Variants in HPS3 observed in about 807,000 individuals in gnomAD.
HPS3 encodes the protein BLOC-2 complex member HPS3.
Under a neutral mutation model 110.9 loss-of-function variants are expected in HPS3, and 79 were observed. That is an observed-to-expected ratio of 0.71 (90% confidence interval 0.59 to 0.86). The LOEUF (loss-of-function observed/expected upper bound fraction) is 0.86. HPS3 is among the 40% of genes least tolerant of loss of function. HPS3 has a pLI of 0.00. For synonymous variants in HPS3, 428 were observed against 451.0 expected (o/e 0.95, Z 0.65); for missense variants, 1,197 against 1,206.2 (o/e 0.99, Z 0.11).
In HPS3 at chr3:149,129,709, C is replaced by T. The variant is rs1721622521; in HGVS notation, c.-15C>T. On this transcript the variant is annotated 5_prime_UTR_variant, in exon 1 of 17. Transcript: ENST00000296051. ...TGCAGGGCGGGCAGGCTGTGCCATCCCGCCGGACGTCGGGATGGTGCAGCT... is the reference window on the plus strand; with the variant it reads ...TGCAGGGCGGGCAGGCTGTGCCATCTCGCCGGACGTCGGGATGGTGCAGCT... The T allele has an allele frequency of 1.9e-6, 3 of 1,565,684 alleles. No individual in the cohort carries two copies. Among genetic ancestry groups the T allele is most frequent in the East Asian group, 2.3e-5 (1 of 43,192 alleles).
Position 149,153,550 on chromosome 3 carries a change from C to T in HPS3, c.1302C>T (p.Gly434=). Residue 434 remains glycine, a synonymous_variant, in exon 7 of 17, where the codon GGC becomes GGT. Transcript: ENST00000296051. Reference sequence around the variant, plus strand: ...CTTTAAGAATACAGCTTTTCATAGGCTTGAAAGCCATCTGTCACTTTAAAA... The same window carrying T: ...CTTTAAGAATACAGCTTTTCATAGGTTTGAAAGCCATCTGTCACTTTAAAA... ...VCALRIQLFI[G]LKAICHFKNH... 6.2e-7 allele frequency: 1 copy of T among 1,613,884 alleles called. No homozygotes were observed. Among genetic ancestry groups the T allele is most frequent in the Non-Finnish European group, 8.5e-7 (1 of 1,179,760 alleles).
chr3:149,171,632 G>T (rs1462411289), intron 16 of HPS3, among the ~76,000 whole-genome samples: 1 of 151,204 alleles, frequency 6.6e-6, no homozygotes, highest in Non-Finnish European at 1.5e-5. Context: ...CCATAAAGAA[G>T]CCTATGGATT....
In HPS3 at chr3:149,133,802, G is replaced by T. The variant is rs886958299; in HGVS notation, c.217+3862G>T. On this transcript the variant is annotated intron_variant, in intron 1 of 16. Coordinates refer to ENST00000296051, the MANE Select transcript of HPS3 (RefSeq NM_032383.5). ...GGTATGTACATTGCTTTGTTTTTTT[G>T]TTTGTTTGTTTTTTAGGTATAATGC... 5.6e-4 allele frequency among the ~76,000 whole-genome samples: 85 copies of T among 152,038 alleles called. 1 individual carries two copies. The highest frequency in any genetic ancestry group is 2.0e-3 in the African/African-American group (84 of 41,490).
chr3:149,165,747 G>T (rs1298928908), intron 14 of HPS3, among the ~76,000 whole-genome samples: 2 of 152,118 alleles, frequency 1.3e-5, no homozygotes, highest in Non-Finnish European at 2.9e-5. Context: ...CACATGCTTT[G>T]CTCCTTCCTA....
At chr3:149,152,385 T>C (rs994479792) in intron 6 of HPS3, among the ~76,000 whole-genome samples, 6 of 152,012 alleles carry the variant, frequency 3.9e-5, no homozygotes, top group African/African-American at 1.5e-4. Context: ...CAGAGTCTTA[T>C]AAAAGGCAGA....
intron 1 of HPS3, among the ~76,000 whole-genome samples, chr3:149,135,873 C>T (rs1178888202): frequency 2.6e-5 from 4 of 152,120 alleles, no homozygotes; most frequent in Non-Finnish European, 5.9e-5. Flanking sequence ...CTACCCCTCC[C>T]ACAAGCCCTA....
At chr3:149,139,704 G>C (rs747906992) in intron 1 of HPS3, among the ~76,000 whole-genome samples, 2 of 152,160 alleles carry the variant, frequency 1.3e-5, no homozygotes, top group Non-Finnish European at 2.9e-5. Context: ...TAGAACTGCA[G>C]ATTTAGAGCT....
At position 149,138,312 on chromosome 3, in the gene HPS3, T is replaced by C. The variant is rs888761114; in HGVS notation, c.218-1692T>C. Among the ~76,000 whole-genome samples the C allele has an allele frequency of 2.0e-5, 3 of 152,172 alleles. No individual in the cohort carries two copies. In the South Asian group the frequency reaches 6.2e-4, roughly 32 times the overall value. The stretch of plus-strand genomic sequence containing the variant: ...GCCTCATAAGTACATGGGAAGTCAA[T>C]GTAATGGCAGCATTTCAATTTCAAT... On this transcript the variant is annotated intron_variant, in intron 1 of 16. Transcript: ENST00000296051.
Position 149,141,544 on chromosome 3 carries a change from T to G in HPS3, c.970+164T>G, listed in dbSNP as rs543122006. Among the ~76,000 whole-genome samples the G allele has an allele frequency of 0.029, 4,341 of 149,270 alleles. 83 individuals are homozygous for G. The highest frequency in any genetic ancestry group is 0.045 in the Non-Finnish European group (3,050 of 67,292). On this transcript the variant is annotated intron_variant, in intron 4 of 16. Transcript: ENST00000296051. ...GTTTTTTTTTTTGTTTTTTTTTTTT[T>G]TTTTTTTTGAGACTGAGTCTCGCTT...
At chr3:149,154,322 C>T (rs922086478) in intron 7 of HPS3, among the ~76,000 whole-genome samples, 6 of 152,148 alleles carry the variant, frequency 3.9e-5, no homozygotes, top group African/African-American at 9.7e-5. Context: ...TAGTGTATTT[C>T]ATATCAAACA....
At chr3:149,143,096 A>G (rs890936729) in intron 4 of HPS3, among the ~76,000 whole-genome samples, 5 of 152,188 alleles carry the variant, frequency 3.3e-5, no homozygotes, top group Admixed American at 2.6e-4. Context: ...AGACAGGGCC[A>G]ATAGCCATAT....
chr3:149,132,241 G>A (rs1157527495), intron 1 of HPS3, among the ~76,000 whole-genome samples: 1 of 152,228 alleles, frequency 6.6e-6, no homozygotes, highest in Non-Finnish European at 1.5e-5. Flanking sequence ...ATTGGAAGAA[G>A]ATGCCATCTA....
rs754476949 is a variant in HPS3 at position 149,157,408 on chromosome 3, G to C, written c.1568G>C (p.Ser523Thr). 4 of 1,613,930 alleles carry C rather than the reference G, an allele frequency of 2.5e-6. No individual in the cohort carries two copies. Among genetic ancestry groups the C allele is most frequent in the Non-Finnish European group, 3.4e-6 (4 of 1,179,890 alleles). The part of the protein sequence containing the change: ...VKTQSCIHLL[S>T]EAHLLVRAAL... Reference sequence around the variant, plus strand: ...ACCCAGAGCTGCATTCACCTTCTCAGTGAGGCTCATCTGTTAGTGCGAGCT... The same window carrying C: ...ACCCAGAGCTGCATTCACCTTCTCACTGAGGCTCATCTGTTAGTGCGAGCT... The change falls in exon 9 of 17, where the codon AGT becomes ACT. Residue 523 changes from serine (S) to threonine (T), a missense_variant. Coordinates refer to ENST00000296051, the MANE Select transcript of HPS3 (RefSeq NM_032383.5).
At chr3:149,154,443 A>G (rs867543059) in intron 7 of HPS3, among the ~76,000 whole-genome samples, 5 of 152,338 alleles carry the variant, frequency 3.3e-5, no homozygotes, top group South Asian at 2.1e-4. Flanking sequence ...TTGAGTGTAC[A>G]CAGAGTGGTC....
intron 5 of HPS3, among the ~76,000 whole-genome samples, chr3:149,150,003 C>G (rs1222084451): frequency 6.6e-6 from 1 of 152,234 alleles, no homozygotes; most frequent in Middle Eastern, 3.4e-3. Flanking sequence ...GGCGGTGGAC[C>G]AGTCATGAAC....
chr3:149,161,601 C>T (rs1244635364), intron 11 of HPS3, among the ~76,000 whole-genome samples: 1 of 151,380 alleles, frequency 6.6e-6, no homozygotes, highest in South Asian at 2.1e-4. Context: ...CCTCCACCTC[C>T]CAGGTTCAAG....
rs1345370090 is a variant in HPS3 at position 149,172,328 on chromosome 3, A to T, written c.*106A>T. 2 of 675,272 alleles carry T rather than the reference A, an allele frequency of 3.0e-6. No homozygotes were observed. Among genetic ancestry groups the T allele is most frequent in the Non-Finnish European group, 5.2e-6 (2 of 383,888 alleles). The allele number at this position is 675,272 out of a possible 1,614,324, so 41.8% of individuals were successfully genotyped here. ...TTTTTATTTTATATATCACACACAC[A>T]CACACACACACACACACACACACAC... On this transcript the variant is annotated 3_prime_UTR_variant, in exon 17 of 17. Coordinates refer to ENST00000296051, the MANE Select transcript of HPS3 (RefSeq NM_032383.5).
rs1170901417 is a variant in HPS3 at position 149,157,736 on chromosome 3, C to T, written c.1691+205C>T. Among the ~76,000 whole-genome samples the T allele has an allele frequency of 3.3e-5, 5 of 152,304 alleles. No individual in the cohort carries two copies. In the East Asian group the frequency reaches 9.6e-4, roughly 29 times the overall value. On this transcript the variant is annotated intron_variant, in intron 9 of 16. Coordinates refer to ENST00000296051, the MANE Select transcript of HPS3 (RefSeq NM_032383.5). ...AAAAATGAATGTGACCCATTTCCTG[C>T]TCTCAAGGAGTCACAGTTTAGAAGA...
At chr3:149,153,230 C>T (rs1174989439) in intron 6 of HPS3, among the ~76,000 whole-genome samples, 1 of 152,172 alleles carries the variant, frequency 6.6e-6, no homozygotes, top group African/African-American at 2.4e-5. Context: ...ACCCTCTTTC[C>T]GTATTTATTC....
Sources: allele counts gnomAD v4.1 joint callset (sites outside exome capture counted in the v4.1 genomes callset), GRCh38; gene constraint gnomAD v4.1.1; transcripts MANE v1.5; gene names NCBI Gene and HGNC (gene_info 2026-07-23, HGNC 2026-07-21).